PDLIM3: variants seen among roughly 807,000 people sequenced by gnomAD.
PDLIM3 encodes PDZ and LIM domain protein 3.
In PDLIM3, 36 loss-of-function variants were observed where a neutral mutation model predicts 37.3. The observed-to-expected ratio is 0.97, with a 90% CI of 0.74 to 1.28. PDLIM3 has a LOEUF of 1.28. Among genes scored for constraint, PDLIM3 ranks in the 50% most tolerant of loss-of-function variants. The pLI, the probability that PDLIM3 is intolerant of heterozygous loss-of-function variation, is 0.00. For synonymous variants in PDLIM3, 174 were observed against 182.4 expected, an observed-to-expected ratio of 0.95 and a Z score of 0.37; for missense variants, 454 against 485.0, an observed-to-expected ratio of 0.94 and a Z score of 0.60.
intron 4 of PDLIM3, among the ~76,000 whole-genome samples, chr4:185,511,090 C>A (rs2095705803): frequency 6.6e-6 from 1 of 152,192 alleles, no homozygotes. Flanking sequence ...TGACAGATTG[C>A]TAATTTCTCT....
At chr4:185,519,539 G>A (rs201416408) in intron 3 of PDLIM3, among the ~76,000 whole-genome samples, 36 of 151,842 alleles carry the variant, frequency 2.4e-4, no homozygotes, top group Non-Finnish European at 1.9e-4. Flanking sequence ...CACCTGCCTC[G>A]GCCTCCCAAA....
In PDLIM3 at chr4:185,502,485, T is replaced by C. The variant is rs1226939307; in HGVS notation, c.906-2A>G. ...TCCCGCGCCTTCACCACAGCACCGC[T>C]GTTGGGGAAGAAAACGAGCTCAAGT... On this transcript the variant is annotated splice_acceptor_variant, in intron 7 of 7. Coordinates refer to ENST00000284767, the MANE Select transcript of PDLIM3 (RefSeq NM_014476.6). LOFTEE classifies it high-confidence loss of function. 1 of 1,613,868 alleles carries C rather than the reference T, an allele frequency of 6.2e-7. No homozygotes were observed. Among genetic ancestry groups the C allele is most frequent in the Admixed American group, 1.7e-5 (1 of 60,000 alleles).
intron 3 of PDLIM3, chr4:185,516,961 T>G (rs1395337884): frequency 6.6e-6 from 1 of 152,246 alleles, no homozygotes; most frequent in Non-Finnish European, 1.5e-5. Flanking sequence ...GCCAAGGAGT[T>G]GATTAACATT....
At chr4:185,512,563 G>T (rs1354547015) in intron 4 of PDLIM3, 1 of 643,440 alleles carries the variant, frequency 1.6e-6, no homozygotes, top group Non-Finnish European at 1.9e-6. Context: ...TTTTTAAAAG[G>T]TGATTATATA....
chr4:185,506,213 G>A (rs896134405), intron 6 of PDLIM3, among the ~76,000 whole-genome samples: 2 of 152,234 alleles, frequency 1.3e-5, no homozygotes, highest in Non-Finnish European at 2.9e-5. Context: ...AGGCTGAGAA[G>A]TTTGACAACA....
At chr4:185,523,947 G>A (rs1049728254) in intron 2 of PDLIM3, among the ~76,000 whole-genome samples, 1 of 151,116 alleles carries the variant, frequency 6.6e-6, no homozygotes, top group Non-Finnish European at 1.5e-5. Context: ...GTCCTTTTGG[G>A]TATGGCAGAC....
At chr4:185,525,822 T>C (rs955149214) in intron 1 of PDLIM3, among the ~76,000 whole-genome samples, 1 of 152,090 alleles carries the variant, frequency 6.6e-6, no homozygotes, top group Non-Finnish European at 1.5e-5. Flanking sequence ...ACAAGTGAGG[T>C]GTCTGCAACC....
At position 185,508,431 on chromosome 4, in the gene PDLIM3, T is replaced by G. The variant is rs138115202; in HGVS notation, c.530A>C (p.Glu177Ala). ...AAKLAPNIPL[E>A]MELPGVKIVH... ...AATCTTCACACCAGGAAGTTCCATT[T>G]CCAAAGGAATGTTAGGGGCCAGCTT... The change falls in exon 5 of 8, where the codon GAA (glutamate) becomes GCA (alanine). Residue 177 changes from glutamate to alanine, a missense_variant. Physicochemically the swap from Glu to Ala is moderately radical, Grantham distance 107. Coordinates refer to ENST00000284767, the MANE Select transcript of PDLIM3 (RefSeq NM_014476.6). 2.5e-5 allele frequency: 41 copies of G among 1,614,058 alleles called. No homozygotes were observed. Among genetic ancestry groups the G allele is most frequent in the African/African-American group, 1.2e-4 (9 of 74,914 alleles).
Position 185,514,307 on chromosome 4 carries a change from T to A in PDLIM3, c.361A>T (p.Ile121Phe). 1 of 1,614,228 alleles carries A rather than the reference T, an allele frequency of 6.2e-7. No homozygotes were observed. The highest frequency in any genetic ancestry group is 8.5e-7 in the Non-Finnish European group (1 of 1,180,042). The change falls in exon 4 of 8, where the codon ATT becomes TTT. Residue 121 changes from isoleucine (I) to phenylalanine (F), a missense_variant. Physicochemically the swap from Ile to Phe is conservative, Grantham distance 21. Coordinates refer to ENST00000284767, the MANE Select transcript of PDLIM3 (RefSeq NM_014476.6). The surrounding 1 kb of genome is among the most constrained non-coding windows in gnomAD (Gnocchi z 4.0). Reference protein sequence around the residue: ...DGNYFEHKHNIRPKPFVIPGR... With the variant: ...DGNYFEHKHNFRPKPFVIPGR... ...GGGATCACGAAAGGTTTGGGCCGAA[T>A]ATTATGCTTGTGTTCAAAGTAGTTC...
At chr4:185,527,645 C>G (rs956716155) in intron 1 of PDLIM3, among the ~76,000 whole-genome samples, 2 of 152,160 alleles carry the variant, frequency 1.3e-5, no homozygotes, top group Non-Finnish European at 2.9e-5. Context: ...GTTTCCATCC[C>G]CAAAGTGACT....
intron 1 of PDLIM3, among the ~76,000 whole-genome samples, chr4:185,528,817 G>A (rs1166121944): frequency 6.6e-6 from 1 of 152,166 alleles, no homozygotes; most frequent in Non-Finnish European, 1.5e-5. Flanking sequence ...CTTTTTCCTC[G>A]TTTTCAAGTT....
chr4:185,506,359 C>A (rs149818926), intron 6 of PDLIM3, among the ~76,000 whole-genome samples, 163 bp downstream of exon 6: 1 of 152,132 alleles, frequency 6.6e-6, no homozygotes, highest in African/African-American at 2.4e-5. Flanking sequence ...CTTTTTTAAA[C>A]GAGGCACCAT....
In PDLIM3 at chr4:185,522,240, C is replaced by T. The variant is rs188026015; in HGVS notation, c.330+1122G>A. Among the ~76,000 whole-genome samples, 2 of 66,614 alleles carry T rather than the reference C, an allele frequency of 3.0e-5. 1 individual carries two copies. The highest frequency in any genetic ancestry group is 1.2e-4 in the Non-Finnish European group (2 of 16,122). 43.7% of individuals were successfully genotyped at this position (66,614 alleles called of 152,430 possible). ...CCAGCAAGAAACGCCAGGAGACTTT[C>T]GGATCCCAGCCTGGGGTGGGGGTAA... On this transcript the variant is annotated intron_variant, in intron 3 of 7. Transcript: ENST00000284767.
intron 4 of PDLIM3, among the ~76,000 whole-genome samples, 185 bp from the exon 5 acceptor site, chr4:185,508,747 G>A (rs970612503): frequency 6.6e-6 from 1 of 152,212 alleles, no homozygotes; most frequent in African/African-American, 2.4e-5. Context: ...GGAAGACGGT[G>A]AAAAATTCAT....
chr4:185,524,193 C>T (rs140298784), intron 2 of PDLIM3, among the ~76,000 whole-genome samples: 5 of 152,178 alleles, frequency 3.3e-5, no homozygotes, highest in Admixed American at 6.5e-5. Context: ...TCCAACCCTT[C>T]TCATGCATCT....
chr4:185,530,381 A>G (rs2153339378), intron 1 of PDLIM3, among the ~76,000 whole-genome samples: 1 of 152,350 alleles, frequency 6.6e-6, no homozygotes, highest in East Asian at 1.9e-4. Context: ...AAGCCTGTAC[A>G]AATTAGGAAC....
chr4:185,535,440 CT>C lies in PDLIM3; in HGVS notation c.-7del. On this transcript the variant is annotated 5_prime_UTR_variant, in exon 1 of 8. Transcript: ENST00000284767. ...AGGATCACCGTCTGGGGCATGCCGCCTTCCTCCCGCCCACCGGGCTCTAAGT... is the reference window on the plus strand; with the variant it reads ...AGGATCACCGTCTGGGGCATGCCGCCTCCTCCCGCCCACCGGGCTCTAAGT... 6.3e-7 allele frequency: 1 copy of C among 1,583,094 alleles called. No homozygotes were observed. Among genetic ancestry groups the C allele is most frequent in the Non-Finnish European group, 8.6e-7 (1 of 1,166,210 alleles).
At chr4:185,520,485 T>TG (rs1378476162) in intron 3 of PDLIM3, among the ~76,000 whole-genome samples, 2 of 25,462 alleles carry the variant, frequency 7.9e-5, no homozygotes, top group Admixed American at 9.8e-4. Flanking sequence ...GTATTGTAAA[T>TG]ATTCATATTT....
At chr4:185,524,634 ATTAT>A (rs1295204928) in intron 2 of PDLIM3, among the ~76,000 whole-genome samples, 1 of 152,148 alleles carries the variant, frequency 6.6e-6, no homozygotes, top group Admixed American at 6.5e-5. Flanking sequence ...AAGTCAAGAG[ATTAT>A]TTCAGGGGAA....
Sources: gnomAD v4.1 joint callset for allele counts (sites outside exome capture counted in the v4.1 genomes callset) on GRCh38, gnomAD v4.1.1 for gene constraint, Gnocchi (gnomAD v3.1) non-coding constraint, MANE v1.5 for transcripts, NCBI Gene and HGNC (gene_info 2026-07-23, HGNC 2026-07-21) for gene names.